Variants in MASTL observed in about 807,000 individuals in gnomAD.
MASTL encodes serine/threonine-protein kinase greatwall.
A neutral mutation model predicts 82.5 loss-of-function variants in MASTL; 54 were observed. The ratio of observed to expected loss-of-function variants is 0.65; its 90% CI spans 0.53 to 0.82. MASTL has a LOEUF of 0.82. MASTL is among the 40% of genes least tolerant of loss of function. The pLI is 0.00. For synonymous variants in MASTL, 323 were observed against 368.9 expected (o/e 0.88, Z 1.43); for missense variants, 950 against 1,047.8 (o/e 0.91, Z 1.29).
upstream of MASTL, chr10:27,154,723 C>T: frequency 5.7e-6 from 1 of 176,040 alleles, no homozygotes; most frequent in African/African-American, 2.4e-5. Context: ...GTGCCCGCCA[C>T]CACGCCCGGC....
intron 9 of MASTL, among the ~76,000 whole-genome samples, chr10:27,177,311 A>G (rs1307117119): frequency 6.6e-6 from 1 of 152,216 alleles, no homozygotes; most frequent in African/African-American, 2.4e-5. Context: ...ATTTTTATAT[A>G]GTGCCTCTTT....
intron 4 of MASTL, among the ~76,000 whole-genome samples, chr10:27,164,220 C>G (rs1200327542): frequency 6.6e-6 from 1 of 152,208 alleles, no homozygotes; most frequent in African/African-American, 2.4e-5. Flanking sequence ...TCATAGCTTA[C>G]TGTAGCCTTG....
At chr10:27,163,922 G>A (rs959908634) in intron 4 of MASTL, among the ~76,000 whole-genome samples, 1 of 142,282 alleles carries the variant, frequency 7.0e-6, no homozygotes, top group Non-Finnish European at 1.5e-5. Context: ...GAACCACCGC[G>A]CCCAGCCTAT....
In MASTL at chr10:27,170,776, A is replaced by G. The variant is rs2057905757; in HGVS notation, c.1817A>G (p.Asp606Gly). The change falls in exon 8 of 12, where the codon GAT (aspartate) becomes GGT (glycine). Residue 606 changes from aspartate (D) to glycine (G), a missense_variant. Physicochemically the swap from Asp to Gly is moderately conservative, Grantham distance 94. Transcript: ENST00000375940. ...ESSFEESNIE[D>G]PLIVTPDCQE... The stretch of plus-strand genomic sequence containing the variant: ...TCTTTTGAAGAATCAAATATTGAAG[A>G]TCCACTTATTGTAACACCAGATTGC... 4 of 1,614,060 alleles carry G rather than the reference A, an allele frequency of 2.5e-6. No homozygotes were observed. The highest frequency in any genetic ancestry group is 2.5e-6 in the Non-Finnish European group (3 of 1,180,022).
intron 1 of MASTL, 58 bp downstream of exon 1, chr10:27,155,670 C>A (rs1279594236): frequency 6.3e-7 from 1 of 1,597,314 alleles, no homozygotes; most frequent in South Asian, 1.1e-5. Context: ...CCTTCCTGCC[C>A]CACCGGCTTG....
chr10:27,163,203 C>T (rs1008373135), intron 4 of MASTL, among the ~76,000 whole-genome samples: 13 of 152,124 alleles, frequency 8.5e-5, no homozygotes, highest in Non-Finnish European at 1.3e-4. Context: ...AGGCATGAGC[C>T]ACCGTGCCTG....
chr10:27,167,378 A>G, intron 7 of MASTL, 104 bp downstream of exon 7: 1 of 970,250 alleles, frequency 1.0e-6, no homozygotes, highest in East Asian at 2.6e-5. Context: ...TGAAATTGTT[A>G]CATGAATGGC....
At chr10:27,185,327 G>A (rs1444228267) in intron 11 of MASTL, among the ~76,000 whole-genome samples, 2 of 152,028 alleles carry the variant, frequency 1.3e-5, no homozygotes, top group African/African-American at 2.4e-5. Flanking sequence ...CCTGAGTCAG[G>A]GATTCTTTAA....
chr10:27,186,474 A>G lies in MASTL; in HGVS notation c.2578A>G (p.Thr860Ala). 1.2e-6 allele frequency: 2 copies of G among 1,614,102 alleles called. No individual in the cohort carries two copies. The highest frequency in any genetic ancestry group is 1.7e-6 in the Non-Finnish European group (2 of 1,179,996). The change falls in exon 12 of 12, where the codon ACC becomes GCC. Residue 860 changes from threonine (T) to alanine (A), a missense_variant. Physicochemically the swap from Thr to Ala is moderately conservative, Grantham distance 58. Coordinates refer to ENST00000375940, the MANE Select transcript of MASTL (RefSeq NM_001172303.3). ...FIPQPDDETD[T>A]SYFEARNTAQ... ...CCCCCAGCCAGATGATGAAACAGAT[A>G]CCTCCTATTTTGAAGCCAGGAATAC... is the stretch of plus-strand genomic sequence containing the variant.
intron 9 of MASTL, among the ~76,000 whole-genome samples, chr10:27,174,574 T>C (rs186929880): frequency 2.6e-5 from 4 of 152,250 alleles, no homozygotes; most frequent in Non-Finnish European, 5.9e-5. Flanking sequence ...AGGGCTATAC[T>C]ACCCCTGAAA....
At chr10:27,173,068 T>C (rs570064946) in intron 8 of MASTL, 50 bp from the exon 9 acceptor site, 2 of 1,606,854 alleles carry the variant, frequency 1.2e-6, no homozygotes, top group South Asian at 2.2e-5. Context: ...TTCTATTCGG[T>C]GTAAAAGGAA....
chr10:27,167,014 A>G, intron 6 of MASTL, 88 bp from the exon 7 acceptor site: 1 of 1,004,952 alleles, frequency 1.0e-6, no homozygotes, highest in Non-Finnish European at 1.6e-6. Flanking sequence ...AATTCTTGAT[A>G]CTTTGCTTAA....
At chr10:27,180,104 A>T (rs1044024719) in intron 9 of MASTL, among the ~76,000 whole-genome samples, 5 of 152,246 alleles carry the variant, frequency 3.3e-5, no homozygotes, top group Admixed American at 1.3e-4. Context: ...TTATACCAAA[A>T]TGTTCACATA....
At chr10:27,177,748 G>C (rs2058145306) in intron 9 of MASTL, 1 of 608,664 alleles carries the variant, frequency 1.6e-6, no homozygotes, top group Non-Finnish European at 2.1e-6. Context: ...ATGAGGGAAG[G>C]GACTCTAATA....
upstream of MASTL, chr10:27,155,214 C>G (rs1396583542): frequency 4.4e-5 from 26 of 591,400 alleles, no homozygotes. Flanking sequence ...CCGCGGTCGC[C>G]GCCCACGAAG....
At chr10:27,180,814 C>G in intron 9 of MASTL, 139 bp from the exon 10 acceptor site, 1 of 703,158 alleles carries the variant, frequency 1.4e-6, no homozygotes, top group South Asian at 1.5e-5. Context: ...TGCAGCTTAT[C>G]TGCTTTTTCT....
Position 27,187,287 on chromosome 10 carries a change from A to T in MASTL, c.*751A>T, listed in dbSNP as rs1313041906. On this transcript the variant is annotated 3_prime_UTR_variant, in exon 12 of 12. Transcript: ENST00000375940. ...TGCACTCCAGCCTGGGCAACAGAAC[A>T]AGACTCCGTCTCAAAAAAATAAAGG... Among the ~76,000 whole-genome samples the T allele has an allele frequency of 6.6e-6, 1 of 150,882 alleles. No individual in the cohort carries two copies. Among genetic ancestry groups the T allele is most frequent in the Non-Finnish European group, 1.5e-5 (1 of 67,562 alleles).
chr10:27,165,239 CT>C (rs2057703819), intron 5 of MASTL, 69 bp downstream of exon 5: 1 of 1,405,556 alleles, frequency 7.1e-7, no homozygotes, highest in Non-Finnish European at 1.0e-6. Context: ...TTAAAATCAC[CT>C]TTAAAAAAAA....
chr10:27,163,285 C>G (rs914450449), intron 4 of MASTL, among the ~76,000 whole-genome samples: 3 of 152,064 alleles, frequency 2.0e-5, no homozygotes, highest in African/African-American at 7.2e-5. Context: ...AGGGATATTT[C>G]ATAATATGCA....
Sources: gnomAD v4.1 joint callset for allele counts (sites outside exome capture counted in the v4.1 genomes callset) on GRCh38, gnomAD v4.1.1 for gene constraint, MANE v1.5 for transcripts, NCBI Gene and HGNC (gene_info 2026-07-23, HGNC 2026-07-21) for gene names.